The following ZNF521 variants were observed in gnomAD, a reference collection of about 807,000 sequenced individuals.
The protein encoded by ZNF521 is zinc finger protein 521.
In ZNF521, 14 loss-of-function variants were observed where a neutral mutation model predicts 105.5. The observed-to-expected ratio is 0.13, with a 90% CI of 0.09 to 0.21. ZNF521 has a LOEUF of 0.21. ZNF521 is among the 10% of genes least tolerant of loss of function. The pLI is 1.00. For synonymous variants in ZNF521, 635 were observed against 606.0 expected (o/e 1.05, Z -0.70); for missense variants, 1,233 against 1,629.7 (o/e 0.76, Z 4.19).
intron 5 of ZNF521, among the ~76,000 whole-genome samples, chr18:25,173,241 G>A (rs1310330462): frequency 6.6e-6 from 1 of 152,174 alleles, no homozygotes; most frequent in Non-Finnish European, 1.5e-5. Flanking sequence ...CATGGCTGAT[G>A]GAACGCAGAG....
intron 2 of ZNF521, among the ~76,000 whole-genome samples, chr18:25,335,458 G>A (rs993529211): frequency 3.3e-5 from 5 of 152,084 alleles, no homozygotes; most frequent in African/African-American, 1.2e-4. Context: ...CCCCAGCCCT[G>A]GCTGACCTTT....
intron 2 of ZNF521, among the ~76,000 whole-genome samples, chr18:25,328,543 AT>A (rs916853597): frequency 2.7e-5 from 4 of 148,936 alleles, no homozygotes; most frequent in Non-Finnish European, 4.5e-5. Context: ...CCTTTATCTT[AT>A]TTTTTTATTA....
At chr18:25,081,637 T>C (rs987942603) in intron 7 of ZNF521, among the ~76,000 whole-genome samples, 7 of 152,212 alleles carry the variant, frequency 4.6e-5, no homozygotes, top group South Asian at 2.1e-4. Flanking sequence ...AAACAGGTAA[T>C]TGAAAATGCA....
In ZNF521 at chr18:25,343,438, C is replaced by T. The variant is rs141963862; in HGVS notation, c.40+7469G>A. Reference sequence around the variant, plus strand: ...TAGAGTATGTTTCCGTGTATATAGACTATGTATGTGTGTGTCACAATATGT... The same window carrying T: ...TAGAGTATGTTTCCGTGTATATAGATTATGTATGTGTGTGTCACAATATGT... On this transcript the variant is annotated intron_variant, in intron 2 of 7. Coordinates refer to ENST00000361524, the MANE Select transcript of ZNF521 (RefSeq NM_015461.3). Among the ~76,000 whole-genome samples, 1,186 of 152,212 alleles carry T rather than the reference C, an allele frequency of 7.8e-3. 16 individuals carry two copies. The highest frequency in any genetic ancestry group is 0.027 in the African/African-American group (1,114 of 41,480).
intron 2 of ZNF521, among the ~76,000 whole-genome samples, chr18:25,338,146 G>A (rs555501020): frequency 6.6e-6 from 1 of 152,250 alleles, no homozygotes; most frequent in East Asian, 1.9e-4. Context: ...GGAACAGTTG[G>A]AAGGGGCAAC....
At chr18:25,342,209 C>T (rs891594604) in intron 2 of ZNF521, among the ~76,000 whole-genome samples, 2 of 152,126 alleles carry the variant, frequency 1.3e-5, no homozygotes, top group African/African-American at 4.8e-5. Flanking sequence ...GCCCACAGTT[C>T]TTCTTAACCC....
chr18:25,074,428 C>T (rs909303697), intron 7 of ZNF521, among the ~76,000 whole-genome samples: 2 of 152,010 alleles, frequency 1.3e-5, no homozygotes, highest in Non-Finnish European at 2.9e-5. Context: ...TTTCTTTTTG[C>T]CTGTGTGCTT....
At chr18:25,327,385 A>G (rs769198057) in intron 2 of ZNF521, 1 of 1,082,338 alleles carries the variant, frequency 9.2e-7, no homozygotes, top group Non-Finnish European at 1.1e-6. Context: ...TGTTGTATTT[A>G]AAGTTCATAT....
chr18:25,306,633 C>T (rs1911994518), intron 3 of ZNF521, among the ~76,000 whole-genome samples: 1 of 152,058 alleles, frequency 6.6e-6, no homozygotes, highest in Non-Finnish European at 1.5e-5. Context: ...AATGTCCTGC[C>T]TTTACAGATA....
intron 3 of ZNF521, among the ~76,000 whole-genome samples, chr18:25,282,449 C>T (rs562757203): frequency 1.4e-4 from 22 of 152,200 alleles, no homozygotes; most frequent in African/African-American, 4.8e-4. Context: ...AGGCAGCACC[C>T]GGTGTCAGAA....
chr18:25,225,204 T>C lies in ZNF521; in HGVS notation c.2714A>G (p.Gln905Arg). The change falls in exon 4 of 8, where the codon CAG becomes CGG. Residue 905 changes from glutamine to arginine, a missense_variant. Physicochemically the swap from Gln to Arg is conservative, Grantham distance 43 (BLOSUM62 1). Around this residue, in one of 6 missense-constraint regions of ZNF521, gnomAD observed 614 missense variants for 751.5 expected, o/e 0.82. Coordinates refer to ENST00000361524, the MANE Select transcript of ZNF521 (RefSeq NM_015461.3). This position sits in a 1 kb window ranked among gnomAD's most constrained non-coding sequence, Gnocchi z 5.6. Reference protein sequence around the residue: ...YTMETLLQNHQLRDHNIRPGE... With the variant: ...YTMETLLQNHRLRDHNIRPGE... Reference sequence around the variant, plus strand: ...AGGTCTGATGTTGTGGTCTCGGAGCTGGTGATTCTGCAGCAAAGTTTCCAT... The same window carrying C: ...AGGTCTGATGTTGTGGTCTCGGAGCCGGTGATTCTGCAGCAAAGTTTCCAT... 6.2e-7 allele frequency: 1 copy of C among 1,614,146 alleles called. No homozygotes were observed. The highest frequency in any genetic ancestry group is 8.5e-7 in the Non-Finnish European group (1 of 1,180,018).
chr18:25,150,831 G>T (rs1365191688), intron 5 of ZNF521, among the ~76,000 whole-genome samples: 1 of 151,152 alleles, frequency 6.6e-6, no homozygotes, highest in African/African-American at 2.4e-5. Flanking sequence ...CCCCCCATGT[G>T]GTCTCTCACC....
chr18:25,182,605 G>A (rs928193200), intron 5 of ZNF521, among the ~76,000 whole-genome samples: 2 of 151,840 alleles, frequency 1.3e-5, no homozygotes, highest in African/African-American at 4.8e-5. Flanking sequence ...TGTGATATAC[G>A]TAATCTCAAA....
At chr18:25,264,111 T>C (rs1022359013) in intron 3 of ZNF521, among the ~76,000 whole-genome samples, 1 of 152,204 alleles carries the variant, frequency 6.6e-6, no homozygotes, top group African/African-American at 2.4e-5. Flanking sequence ...ATCAGGTACC[T>C]GGTTCAAGCA....
At chr18:25,212,323 A>G (rs778238269) in intron 4 of ZNF521, among the ~76,000 whole-genome samples, 1 of 151,136 alleles carries the variant, frequency 6.6e-6, no homozygotes, top group Non-Finnish European at 1.5e-5. Flanking sequence ...CAGCCTGGCC[A>G]ACATAGTGAA....
chr18:25,325,761 G>A (rs987498119), intron 2 of ZNF521, among the ~76,000 whole-genome samples: 2 of 152,118 alleles, frequency 1.3e-5, no homozygotes, highest in African/African-American at 4.8e-5. Context: ...TGGATAAAAT[G>A]CTGAATTTTG....
intron 5 of ZNF521, among the ~76,000 whole-genome samples, chr18:25,123,891 A>G (rs2034490136): frequency 6.6e-6 from 1 of 152,126 alleles, no homozygotes; most frequent in Non-Finnish European, 1.5e-5. Flanking sequence ...CCCTTCTTTA[A>G]CCTTTTTGAT....
chr18:25,196,821 C>T (rs1478222261), intron 4 of ZNF521, among the ~76,000 whole-genome samples: 1 of 151,710 alleles, frequency 6.6e-6, no homozygotes, highest in Non-Finnish European at 1.5e-5. Context: ...TTTCTTACTC[C>T]CTGATGACCT....
chr18:25,233,956 T>C (rs1362971201), intron 3 of ZNF521, among the ~76,000 whole-genome samples: 1 of 152,178 alleles, frequency 6.6e-6, no homozygotes, highest in Admixed American at 6.6e-5. Flanking sequence ...TAGAAAACAG[T>C]GCATTCTTAA....
Sources: allele counts gnomAD v4.1 joint callset (sites outside exome capture counted in the v4.1 genomes callset), GRCh38; gene constraint gnomAD v4.1.1; regional missense constraint gnomAD v4.1.1; non-coding constraint Gnocchi (gnomAD v3.1); transcripts MANE v1.5; gene names NCBI Gene and HGNC (gene_info 2026-07-23, HGNC 2026-07-21).